Variants in SAMD12 observed in about 807,000 individuals in gnomAD.
SAMD12 encodes the protein sterile alpha motif domain containing 12.
In SAMD12, 9 loss-of-function variants were observed where a neutral mutation model predicts 15.0. That is an observed-to-expected ratio of 0.60 (90% CI 0.36 to 1.05). SAMD12 has a LOEUF of 1.05. Among genes scored for constraint, SAMD12 ranks in the 50% least tolerant of loss-of-function variants. The pLI is 0.01. For synonymous variants in SAMD12, 86 were observed against 90.1 expected (o/e 0.96, Z 0.25); for missense variants, 230 against 234.2 (o/e 0.98, Z 0.12).
intron 2 of SAMD12, among the ~76,000 whole-genome samples, chr8:118,493,817 T>C (rs1398620958): frequency 6.6e-6 from 1 of 152,116 alleles, no homozygotes; most frequent in Non-Finnish European, 1.5e-5. Context: ...GGACACCACA[T>C]GGCAGGATCC....
intron 3 of SAMD12, among the ~76,000 whole-genome samples, chr8:118,381,583 G>T (rs1437837970): frequency 1.3e-5 from 2 of 152,190 alleles, no homozygotes; most frequent in Admixed American, 1.3e-4. Flanking sequence ...AGAGGAAGAA[G>T]GGAGAGCCAG....
At chr8:118,420,145 C>T (rs1821929759) in intron 3 of SAMD12, among the ~76,000 whole-genome samples, 1 of 152,130 alleles carries the variant, frequency 6.6e-6, no homozygotes, top group African/African-American at 2.4e-5. Context: ...TGACTGGCCA[C>T]AATCATGGGA....
At chr8:118,535,470 A>G (rs1055482992) in intron 2 of SAMD12, among the ~76,000 whole-genome samples, 3 of 152,176 alleles carry the variant, frequency 2.0e-5, no homozygotes, top group African/African-American at 7.2e-5. Context: ...TACTCTCTTC[A>G]AAGGTGTCAG....
At chr8:118,512,324 A>G (rs767312541) in intron 2 of SAMD12, among the ~76,000 whole-genome samples, 11 of 152,316 alleles carry the variant, frequency 7.2e-5, no homozygotes, top group Middle Eastern at 3.4e-3. Flanking sequence ...GATTCATGAC[A>G]TGGAGTGAGT....
chr8:118,606,712 T>C (rs565654295), intron 1 of SAMD12, among the ~76,000 whole-genome samples: 3 of 152,164 alleles, frequency 2.0e-5, no homozygotes, highest in East Asian at 3.9e-4. Flanking sequence ...GGAGAATCAC[T>C]CTCCCTTACC....
rs33979536 is a variant in SAMD12, at chr8:118,323,599, TAA to T, written c.433+55959_433+55960del. On this transcript the variant is annotated intron_variant, in intron 4 of 4. Transcript: ENST00000409003. ...CAACATAGCAAAACTACATCTCTAC[TAA>T]AAAAAAAAATTATAAAAATTGGCTG... 1.8e-4 allele frequency among the ~76,000 whole-genome samples: 27 copies of T among 149,806 alleles called. No individual in the cohort carries two copies. The East Asian group carries it at 4.1e-3, about 23-fold the overall frequency.
downstream of SAMD12, chr8:118,375,875 T>C (rs1197397126): frequency 1.3e-5 from 2 of 152,196 alleles, no homozygotes; most frequent in African/African-American, 4.8e-5. Context: ...AAAGCACATA[T>C]GGATATACAT....
intron 3 of SAMD12, among the ~76,000 whole-genome samples, chr8:118,436,927 C>T (rs557226000): frequency 9.8e-5 from 15 of 152,298 alleles, no homozygotes; most frequent in African/African-American, 3.6e-4. Flanking sequence ...CTGCAGGTGA[C>T]AAGCTGCCAT....
chr8:118,546,396 C>T lies in SAMD12; in HGVS notation c.192+34319G>A, dbSNP rs552736913. Among the ~76,000 whole-genome samples the T allele has an allele frequency of 4.6e-5, 7 of 152,150 alleles. No homozygotes were observed. The South Asian group carries it at 1.0e-3, about 23-fold the overall frequency. On this transcript the variant is annotated intron_variant, in intron 2 of 3. Coordinates refer to ENST00000314727, the MANE Select transcript of SAMD12 (RefSeq NM_207506.3). Reference sequence around the variant, plus strand: ...CAACATTTTTTCCTGGCAGCCCACCCGAGCTTTGTCCATAGGATTCTTATC... The same window carrying T: ...CAACATTTTTTCCTGGCAGCCCACCTGAGCTTTGTCCATAGGATTCTTATC...
At chr8:118,302,302 T>C (rs1815089532) in intron 4 of SAMD12, among the ~76,000 whole-genome samples, 1 of 152,124 alleles carries the variant, frequency 6.6e-6, no homozygotes, top group South Asian at 2.1e-4. Flanking sequence ...TGTAGCCACA[T>C]TCATTTAGTT....
At chr8:118,575,144 C>T (rs1827115044) in intron 2 of SAMD12, among the ~76,000 whole-genome samples, 1 of 152,198 alleles carries the variant, frequency 6.6e-6, no homozygotes, top group African/African-American at 2.4e-5. Flanking sequence ...CTTTCTCCTC[C>T]TCCTGCCTCC....
intron 2 of SAMD12, among the ~76,000 whole-genome samples, chr8:118,514,754 AAACTT>A (rs1825185113): frequency 6.6e-6 from 1 of 152,234 alleles, no homozygotes; most frequent in African/African-American, 2.4e-5. Flanking sequence ...GTGAGAGAAA[AAACTT>A]AACATTGGGA....
the SAMD12 span, among the ~76,000 whole-genome samples, chr8:118,141,054 T>C: frequency 6.6e-6 from 1 of 152,244 alleles, no homozygotes; most frequent in African/African-American, 2.4e-5. Flanking sequence ...ATTCATATAT[T>C]AATTCAACTG....
At chr8:118,392,964 A>C (rs796896206) in intron 3 of SAMD12, among the ~76,000 whole-genome samples, 1 of 152,162 alleles carries the variant, frequency 6.6e-6, no homozygotes, top group Non-Finnish European at 1.5e-5. Flanking sequence ...TGATTCACCA[A>C]ATGTTAACTC....
chr8:118,332,764 A>G (rs1259264842), intron 4 of SAMD12, among the ~76,000 whole-genome samples: 3 of 152,186 alleles, frequency 2.0e-5, no homozygotes, highest in Non-Finnish European at 2.9e-5. Context: ...CTTAGCCCTC[A>G]TACTTGCCCC....
intron 2 of SAMD12, among the ~76,000 whole-genome samples, chr8:118,486,140 G>C (rs564514652): frequency 1.3e-3 from 204 of 152,186 alleles, no homozygotes; most frequent in Middle Eastern, 3.4e-3. Flanking sequence ...GTAGGCTGGG[G>C]GTGGTGGCTC....
chr8:118,599,630 TGGTTCA>T (rs1827809032), intron 1 of SAMD12, among the ~76,000 whole-genome samples: 1 of 152,202 alleles, frequency 6.6e-6, no homozygotes, highest in Admixed American at 6.5e-5. Context: ...AAAGTCTTTA[TGGTTCA>T]GGTGGGATCT....
chr8:118,203,757 G>A (rs1196410451), intron 4 of SAMD12, among the ~76,000 whole-genome samples: 1 of 127,336 alleles, frequency 7.9e-6, no homozygotes, highest in Non-Finnish European at 1.6e-5. Flanking sequence ...ACAGGCCCCG[G>A]TGTGTGATGT....
At chr8:118,181,331 A>C in the SAMD12 span, among the ~76,000 whole-genome samples, 1 of 152,240 alleles carries the variant, frequency 6.6e-6, no homozygotes, top group East Asian at 1.9e-4. Flanking sequence ...TGGAGGTCAC[A>C]ATACTCACTG....
Sources: allele counts gnomAD v4.1 joint callset (sites outside exome capture counted in the v4.1 genomes callset), GRCh38; gene constraint gnomAD v4.1.1; transcripts MANE v1.5; gene names NCBI Gene and HGNC (gene_info 2026-07-23, HGNC 2026-07-21).